KLF7: variants seen among roughly 807,000 people sequenced by gnomAD.
KLF7 encodes the protein KLF transcription factor 7.
In KLF7, 2 loss-of-function variants were observed where a neutral mutation model predicts 27.3. That is an observed-to-expected ratio of 0.07 (90% CI 0.03 to 0.23). The LOEUF (loss-of-function observed/expected upper bound fraction) is 0.23. Ranked by LOEUF, KLF7 falls within the 10% of genes least tolerant of loss-of-function variation. KLF7 has a pLI of 1.00. For synonymous variants in KLF7, 165 were observed against 162.4 expected (o/e 1.02, Z -0.12); for missense variants, 221 against 394.1 (o/e 0.56, Z 3.72).
intron 3 of KLF7, among the ~76,000 whole-genome samples, chr2:207,087,047 G>A (rs542268367): frequency 6.6e-6 from 1 of 152,364 alleles, no homozygotes; most frequent in East Asian, 1.9e-4. Flanking sequence ...GGAATAAGGA[G>A]AAACTCTCCT....
intron 1 of KLF7, among the ~76,000 whole-genome samples, chr2:207,157,898 A>C (rs1195282652): frequency 6.6e-6 from 1 of 152,200 alleles, no homozygotes; most frequent in Non-Finnish European, 1.5e-5. Context: ...AGAAATAGGG[A>C]AGCCAGGAAA....
At chr2:207,162,937 G>C (rs1269431996) in intron 1 of KLF7, among the ~76,000 whole-genome samples, 6 of 152,172 alleles carry the variant, frequency 3.9e-5, no homozygotes, top group African/African-American at 7.2e-5. Flanking sequence ...ACTTCTTCCT[G>C]TCTGGGGTTC....
At position 207,123,989 on chromosome 2, in the gene KLF7, A is replaced by G; in HGVS notation, c.518T>C (p.Leu173Pro). 6.2e-7 allele frequency: 1 copy of G among 1,614,160 alleles called. No individual in the cohort carries two copies. The change falls in exon 2 of 4, where the codon CTC becomes CCC. Residue 173 changes from leucine to proline, a missense_variant. Physicochemically the swap from Leu to Pro is moderately conservative, Grantham distance 98. Transcript: ENST00000309446. ...TLKLVAKKAALSSVKVGGVAT... is the reference protein window; with the variant it reads ...TLKLVAKKAAPSSVKVGGVAT... ...GACCCCTCCCACCTTTACGGAGCTG[A>G]GAGCAGCCTTCTTGGCCACCAGTTT...
rs1442349452 is a variant in KLF7, at chr2:207,079,214, C to T, written c.*1999G>A. ...GTGAGGAGGTTCCTTTGCCCTCAGA[C>T]GAGTAGTTTCAACATTTCAGTGAAA... is the stretch of plus-strand genomic sequence containing the variant. On this transcript the variant is annotated 3_prime_UTR_variant, in exon 4 of 4. Coordinates refer to ENST00000309446, the MANE Select transcript of KLF7 (RefSeq NM_003709.4). 3 of 152,086 alleles carry T rather than the reference C, an allele frequency of 2.0e-5. No individual in the cohort carries two copies. Among genetic ancestry groups the T allele is most frequent in the Non-Finnish European group, 4.4e-5 (3 of 68,018 alleles). 9.4% of individuals were successfully genotyped at this position (152,086 alleles called of 1,614,324 possible).
At chr2:207,140,191 T>G (rs910951346) in intron 1 of KLF7, among the ~76,000 whole-genome samples, 27 of 152,194 alleles carry the variant, frequency 1.8e-4, no homozygotes, top group Admixed American at 1.3e-4. Flanking sequence ...CTGGCCTGTT[T>G]TTTTAAGATT....
At chr2:207,109,408 G>C (rs1304963818) in intron 2 of KLF7, among the ~76,000 whole-genome samples, 1 of 152,128 alleles carries the variant, frequency 6.6e-6, no homozygotes, top group East Asian at 1.9e-4. Flanking sequence ...AGAAATAACT[G>C]ATCTCTAAAG....
At chr2:207,148,208 A>C (rs2078149726) in intron 1 of KLF7, among the ~76,000 whole-genome samples, 1 of 152,192 alleles carries the variant, frequency 6.6e-6, no homozygotes. Context: ...CCCAGAATTT[A>C]ATTTCTCATG....
upstream of KLF7, chr2:207,167,320 T>A: frequency 2.4e-6 from 1 of 419,520 alleles, no homozygotes; most frequent in Non-Finnish European, 3.9e-6. Flanking sequence ...TAGTGTGGTT[T>A]AAGCTTCCCC....
chr2:207,152,272 T>TACACACACACACACACACAC (rs67380335), intron 1 of KLF7, among the ~76,000 whole-genome samples: 9 of 150,462 alleles, frequency 6.0e-5, no homozygotes, highest in African/African-American at 2.2e-4. Flanking sequence ...ATGTTTTTCT[T>TACACACACACACACACACAC]ACACACACAC....
intron 1 of KLF7, among the ~76,000 whole-genome samples, chr2:207,163,825 T>C (rs1559174163): frequency 1.3e-5 from 2 of 152,352 alleles, no homozygotes; most frequent in East Asian, 1.9e-4. Flanking sequence ...AAATGAAGGC[T>C]ATTTCAGAAG....
intron 1 of KLF7, among the ~76,000 whole-genome samples, chr2:207,153,291 A>T (rs1206305545): frequency 6.6e-6 from 1 of 152,212 alleles, no homozygotes; most frequent in Non-Finnish European, 1.5e-5. Context: ...TTAAATTATC[A>T]TCTAGTTAAA....
rs1026373734 is a variant in KLF7, at chr2:207,076,302, T to C, written c.*4911A>G. 1 of 152,162 alleles carries C rather than the reference T, an allele frequency of 6.6e-6. No homozygotes were observed. Among genetic ancestry groups the C allele is most frequent in the Non-Finnish European group, 1.5e-5 (1 of 68,032 alleles). The allele number at this position is 152,162 out of a possible 1,614,324, so 9.4% of individuals were successfully genotyped here. On this transcript the variant is annotated 3_prime_UTR_variant, in exon 4 of 4. Transcript: ENST00000309446. ...TCCCCAACAAAGAACATTATCAACCTTCCCTCATGACCACTGAGAGGGAGC... is the reference window on the plus strand; with the variant it reads ...TCCCCAACAAAGAACATTATCAACCCTCCCTCATGACCACTGAGAGGGAGC...
intron 2 of KLF7, among the ~76,000 whole-genome samples, chr2:207,091,075 A>C (rs2076500169): frequency 6.6e-6 from 1 of 152,178 alleles, no homozygotes; most frequent in African/African-American, 2.4e-5. Flanking sequence ...TCTAGTTCCC[A>C]GAATCAATCC....
At chr2:207,123,691 T>C in intron 2 of KLF7, 83 bp downstream of exon 2, 2 of 1,477,132 alleles carry the variant, frequency 1.4e-6, no homozygotes, top group Non-Finnish European at 1.8e-6. Flanking sequence ...GTGCCACTCC[T>C]CAGAACAAAG....
intron 1 of KLF7, among the ~76,000 whole-genome samples, chr2:207,135,209 A>G (rs1263405727): frequency 6.6e-6 from 1 of 152,140 alleles, no homozygotes; most frequent in Non-Finnish European, 1.5e-5. Flanking sequence ...CTGGAATTCT[A>G]TGAGGAAGCA....
chr2:207,119,048 T>C (rs2077266078), intron 2 of KLF7, among the ~76,000 whole-genome samples: 1 of 152,246 alleles, frequency 6.6e-6, no homozygotes, highest in African/African-American at 2.4e-5. Flanking sequence ...CTTTTCCACC[T>C]GAAACGTATC....
At chr2:207,162,383 T>C (rs558036629) in intron 1 of KLF7, among the ~76,000 whole-genome samples, 7 of 152,334 alleles carry the variant, frequency 4.6e-5, no homozygotes, top group African/African-American at 1.7e-4. Context: ...CTGAATTCTA[T>C]AAAATAATAG....
Position 207,124,199 on chromosome 2 carries a change from T to G in KLF7, c.308A>C (p.Lys103Thr). 6.2e-7 allele frequency: 1 copy of G among 1,614,070 alleles called. No individual in the cohort carries two copies. The highest frequency in any genetic ancestry group is 8.5e-7 in the Non-Finnish European group (1 of 1,180,020). Residue 103 changes from lysine (K) to threonine (T), a missense_variant, in exon 2 of 4, where the codon AAG becomes ACG. Lys to Thr is a moderately conservative substitution (Grantham distance 78). Around this residue, in one of 3 missense-constraint regions of KLF7, gnomAD observed 180 missense variants for 227.9 expected, o/e 0.79. Transcript: ENST00000309446. ...SAVDILLSRD[K>T]LLSETCLSLQ... ...GCTGAGGCAGGTCTCAGATAGCAAC[T>G]TGTCCCGAGAGAGCAAGATGTCCAC...
chr2:207,135,677 A>G (rs1008507390), intron 1 of KLF7, among the ~76,000 whole-genome samples: 3 of 152,258 alleles, frequency 2.0e-5, no homozygotes, highest in Admixed American at 2.0e-4. Flanking sequence ...GTATCATGAA[A>G]GCCAGAAATT....
Sources: allele counts gnomAD v4.1 joint callset (sites outside exome capture counted in the v4.1 genomes callset), GRCh38; gene constraint gnomAD v4.1.1; regional missense constraint gnomAD v4.1.1; transcripts MANE v1.5; gene names NCBI Gene and HGNC (gene_info 2026-07-23, HGNC 2026-07-21).